The following SLC8A1 variants were observed in gnomAD, a reference collection of about 807,000 sequenced individuals.
SLC8A1 encodes sodium/calcium exchanger 1.
SLC8A1 carries 18 observed loss-of-function variants against 68.3 expected under a neutral mutation model. That is an observed-to-expected ratio of 0.26 (90% CI 0.18 to 0.39). The LOEUF is 0.39. Among genes scored for constraint, SLC8A1 ranks in the 10% least tolerant of loss-of-function variants. SLC8A1 has a pLI of 1.00. For missense variants in SLC8A1, 985 were observed against 1,156.7 expected, an observed-to-expected ratio of 0.85 and a Z score of 2.15; for synonymous variants, 475 against 415.5, an observed-to-expected ratio of 1.14 and a Z score of -1.74.
intron 2 of SLC8A1, among the ~76,000 whole-genome samples, chr2:40,288,986 G>C (rs949721234): frequency 1.3e-5 from 2 of 151,244 alleles, no homozygotes; most frequent in Admixed American, 6.6e-5. Flanking sequence ...GGGATTAGGC[G>C]TGAGCCACTG....
At chr2:40,303,547 C>A (rs1183362161) in intron 2 of SLC8A1, among the ~76,000 whole-genome samples, 1 of 152,144 alleles carries the variant, frequency 6.6e-6, no homozygotes, top group African/African-American at 2.4e-5. Flanking sequence ...ATTTGGGGAA[C>A]CTCTAGGTAT....
chr2:40,488,700 AAGG>A (rs1705126266), intron 1 of SLC8A1, among the ~76,000 whole-genome samples: 1 of 152,136 alleles, frequency 6.6e-6, no homozygotes, highest in African/African-American at 2.4e-5. Flanking sequence ...TTGGATTTTA[AAGG>A]TTATTTAAAT....
chr2:40,337,491 C>T (rs187317366), intron 2 of SLC8A1, among the ~76,000 whole-genome samples: 2 of 152,198 alleles, frequency 1.3e-5, no homozygotes, highest in African/African-American at 2.4e-5. Context: ...AACAACAAAC[C>T]ACTCACCTCC....
At chr2:40,499,141 A>G (rs1396831540) in intron 1 of SLC8A1, among the ~76,000 whole-genome samples, 2 of 152,032 alleles carry the variant, frequency 1.3e-5, no homozygotes, top group Non-Finnish European at 2.9e-5. Flanking sequence ...ATCATGTTAT[A>G]TATAATCGTA....
At chr2:40,278,612 G>A (rs1435441861) in intron 2 of SLC8A1, among the ~76,000 whole-genome samples, 8 of 152,114 alleles carry the variant, frequency 5.3e-5, no homozygotes, top group Non-Finnish European at 1.0e-4. Flanking sequence ...TGGGCAAAGC[G>A]ACATACCTCA....
chr2:40,131,014 G>A (rs1558466366), intron 7 of SLC8A1, among the ~76,000 whole-genome samples: 1 of 152,128 alleles, frequency 6.6e-6, no homozygotes, highest in African/African-American at 2.4e-5. Flanking sequence ...TTGTTTATCA[G>A]TGCATTGAAA....
At chr2:40,201,081 T>C (rs2054275937) in intron 2 of SLC8A1, among the ~76,000 whole-genome samples, 1 of 151,596 alleles carries the variant, frequency 6.6e-6, no homozygotes, top group African/African-American at 2.4e-5. Context: ...AGGAATATCA[T>C]TCAAATCTTG....
intron 2 of SLC8A1, among the ~76,000 whole-genome samples, chr2:40,211,691 C>T (rs2056607036): frequency 2.0e-5 from 3 of 151,880 alleles, no homozygotes; most frequent in Non-Finnish European, 2.9e-5. Flanking sequence ...CTATCAGGGC[C>T]AAAAAAGAAC....
chr2:40,173,967 T>A (rs1424878477), intron 4 of SLC8A1, among the ~76,000 whole-genome samples: 2 of 152,202 alleles, frequency 1.3e-5, no homozygotes, highest in Non-Finnish European at 2.9e-5. Flanking sequence ...AATATAGTTT[T>A]AGAGTTGTGC....
At chr2:40,489,974 G>T (rs943823983) in intron 1 of SLC8A1, among the ~76,000 whole-genome samples, 1 of 152,024 alleles carries the variant, frequency 6.6e-6, no homozygotes, top group Non-Finnish European at 1.5e-5. Flanking sequence ...ATGATACACT[G>T]CTAACATTTT....
At chr2:40,305,802 A>G (rs1255377026) in intron 2 of SLC8A1, among the ~76,000 whole-genome samples, 1 of 152,242 alleles carries the variant, frequency 6.6e-6, no homozygotes, top group African/African-American at 2.4e-5. Flanking sequence ...TAATGAAGAT[A>G]GAGTATAGAC....
chr2:40,354,309 C>T (rs575963216), intron 2 of SLC8A1, among the ~76,000 whole-genome samples: 5 of 152,218 alleles, frequency 3.3e-5, no homozygotes, highest in Non-Finnish European at 5.9e-5. Context: ...GTTTAAGGGC[C>T]ATCTGTATTC....
At chr2:40,201,428 A>C (rs2054341598) in intron 2 of SLC8A1, among the ~76,000 whole-genome samples, 1 of 151,986 alleles carries the variant, frequency 6.6e-6, no homozygotes, top group Non-Finnish European at 1.5e-5. Flanking sequence ...CAGAGATTTT[A>C]ATGCTAATGT....
At chr2:40,124,641 G>A (rs552548733) in intron 7 of SLC8A1, among the ~76,000 whole-genome samples, 1 of 152,232 alleles carries the variant, frequency 6.6e-6, no homozygotes, top group African/African-American at 2.4e-5. Flanking sequence ...CTAACTATTT[G>A]GCCCAGCAAT....
At position 40,105,729 on chromosome 2, in the gene SLC8A1, G is replaced by C. The variant is rs1162872423; in HGVS notation, c.*9524C>G. On this transcript the variant is annotated 3_prime_UTR_variant, in exon 8 of 8. Coordinates refer to ENST00000406785, the Ensembl canonical transcript of SLC8A1. ...TGGAAAGGCTTGTCAAACAAAACAGGCTGGTTCACAGCTGAAAGAAAAAAA... is the reference window on the plus strand; with the variant it reads ...TGGAAAGGCTTGTCAAACAAAACAGCCTGGTTCACAGCTGAAAGAAAAAAA... 4 of 150,894 alleles carry C rather than the reference G, an allele frequency of 2.7e-5. No individual in the cohort carries two copies. The South Asian group carries it at 8.5e-4, about 32-fold the overall frequency. The allele number at this position is 150,894 out of a possible 1,614,324, so 9.3% of individuals were successfully genotyped here. A position where few individuals can be genotyped will look rare whatever the true frequency, so the allele number is the denominator to read the frequency against.
At chr2:40,346,218 T>C (rs950351977) in intron 2 of SLC8A1, among the ~76,000 whole-genome samples, 10 of 152,112 alleles carry the variant, frequency 6.6e-5, no homozygotes, top group Non-Finnish European at 1.0e-4. Context: ...ATTTCTTTTA[T>C]TGCACACAGT....
intron 2 of SLC8A1, among the ~76,000 whole-genome samples, chr2:40,243,819 G>A (rs2061506848): frequency 6.6e-6 from 1 of 152,182 alleles, no homozygotes; most frequent in South Asian, 2.1e-4. Context: ...ATTCAAGTGG[G>A]GGAGGAATTC....
At chr2:40,133,295 G>A (rs1211795154) in intron 7 of SLC8A1, among the ~76,000 whole-genome samples, 2 of 151,542 alleles carry the variant, frequency 1.3e-5, no homozygotes, top group Non-Finnish European at 2.9e-5. Context: ...TTCTTTCTAT[G>A]GAATTCAGAA....
intron 2 of SLC8A1, among the ~76,000 whole-genome samples, chr2:40,350,048 C>A (rs529340970): frequency 6.6e-5 from 10 of 152,284 alleles, no homozygotes; most frequent in Non-Finnish European, 1.5e-4. Flanking sequence ...CCTAAACTCA[C>A]AGCTTAGCCA....
Sources: gnomAD v4.1 joint callset for allele counts (sites outside exome capture counted in the v4.1 genomes callset) on GRCh38, gnomAD v4.1.1 for gene constraint, MANE v1.5 for transcripts, NCBI Gene and HGNC (gene_info 2026-07-23, HGNC 2026-07-21) for gene names.